The following IGF1R variants were observed in gnomAD, a reference collection of about 807,000 sequenced individuals.
The protein encoded by IGF1R is insulin-like growth factor 1 receptor.
In IGF1R, 44 loss-of-function variants were observed where a neutral mutation model predicts 144.6. The ratio of observed to expected loss-of-function variants is 0.30; its 90% confidence interval spans 0.24 to 0.39. The LOEUF (loss-of-function observed/expected upper bound fraction) is 0.39. Ranked by LOEUF, IGF1R falls within the 10% of genes least tolerant of loss-of-function variation. The pLI is 1.00. For missense variants in IGF1R, 1,355 were observed against 1,833.7 expected (o/e 0.74, Z 4.77); for synonymous variants, 795 against 722.8 (o/e 1.10, Z -1.60).
chr15:98,683,488 C>T (rs1348741929), intron 1 of IGF1R, among the ~76,000 whole-genome samples: 2 of 152,210 alleles, frequency 1.3e-5, no homozygotes, highest in African/African-American at 4.8e-5. Flanking sequence ...GGGCATTGCC[C>T]AGTTGTGTTA....
At chr15:98,681,670 A>T (rs1022181288) in intron 1 of IGF1R, among the ~76,000 whole-genome samples, 1 of 151,896 alleles carries the variant, frequency 6.6e-6, no homozygotes, top group African/African-American at 2.4e-5. Context: ...TTCTTGGGGG[A>T]GTTGTGACAT....
intron 2 of IGF1R, among the ~76,000 whole-genome samples, chr15:98,725,971 A>T (rs570697557): frequency 1.9e-3 from 282 of 152,280 alleles, no homozygotes; most frequent in Non-Finnish European, 3.2e-3. Flanking sequence ...TTCCCATAAC[A>T]CATGAAAATT....
chr15:98,682,104 G>A (rs1415268487), intron 1 of IGF1R, among the ~76,000 whole-genome samples: 2 of 152,178 alleles, frequency 1.3e-5, no homozygotes, highest in African/African-American at 4.8e-5. Context: ...GAGCAGAACC[G>A]TTGGAACCTT....
intron 2 of IGF1R, among the ~76,000 whole-genome samples, chr15:98,806,190 C>A (rs569707009): frequency 5.9e-5 from 9 of 152,088 alleles, no homozygotes; most frequent in African/African-American, 2.2e-4. Flanking sequence ...ACTGGTTTAC[C>A]GTGAAGGCTC....
intron 2 of IGF1R, among the ~76,000 whole-genome samples, chr15:98,829,707 A>G (rs115447703): frequency 6.6e-6 from 1 of 152,186 alleles, no homozygotes; most frequent in East Asian, 1.9e-4. Context: ...ATCTTTTTAT[A>G]TGCAGCAATT....
chr15:98,879,700 C>A (rs369468518), intron 2 of IGF1R, among the ~76,000 whole-genome samples: 1 of 152,166 alleles, frequency 6.6e-6, no homozygotes, highest in African/African-American at 2.4e-5. Context: ...ACCAGTGTAC[C>A]TGTGATTTTA....
intron 2 of IGF1R, among the ~76,000 whole-genome samples, chr15:98,843,724 C>T (rs112220106): frequency 2.6e-5 from 4 of 152,226 alleles, no homozygotes; most frequent in African/African-American, 9.6e-5. Flanking sequence ...AGAAATTCAC[C>T]GCTGGTTATA....
At chr15:98,821,912 C>G (rs1463416169) in intron 2 of IGF1R, among the ~76,000 whole-genome samples, 1 of 152,176 alleles carries the variant, frequency 6.6e-6, no homozygotes, top group African/African-American at 2.4e-5. Context: ...CTTCTTAATT[C>G]CCACTCCAGG....
intron 2 of IGF1R, among the ~76,000 whole-genome samples, chr15:98,712,046 A>G (rs557171726): frequency 6.6e-6 from 1 of 152,264 alleles, no homozygotes; most frequent in South Asian, 2.1e-4. Context: ...TCCCAGAGCC[A>G]TCATACTGGG....
intron 13 of IGF1R, among the ~76,000 whole-genome samples, chr15:98,928,479 T>C (rs111259009): frequency 0.013 from 1,905 of 152,342 alleles, 38 homozygotes; most frequent in African/African-American, 0.043. Flanking sequence ...AAGCTTTCGC[T>C]GACTCCTTTT....
Position 98,959,026 on chromosome 15 carries a change from A to G in IGF1R, c.*1584A>G, listed in dbSNP as rs2017123067. The G allele has an allele frequency of 4.3e-6, 1 of 233,184 alleles. No individual in the cohort carries two copies. Among genetic ancestry groups the G allele is most frequent in the South Asian group, 1.8e-4 (1 of 5,534 alleles). 14.4% of individuals were successfully genotyped at this position (233,184 alleles called of 1,614,324 possible). Reference sequence around the variant, plus strand: ...CTGAGAGGGCCGCGCTCCTCTCCCCAGCCTGCCCTCACAGCATTGGAGCCT... The same window carrying G: ...CTGAGAGGGCCGCGCTCCTCTCCCCGGCCTGCCCTCACAGCATTGGAGCCT... On this transcript the variant is annotated 3_prime_UTR_variant, in exon 21 of 21. Transcript: ENST00000650285.
chr15:98,706,827 G>GT (rs11418145), intron 1 of IGF1R, among the ~76,000 whole-genome samples: 83,535 of 147,318 alleles, frequency 0.57, 23,770 homozygotes, highest in Non-Finnish European at 0.62. Flanking sequence ...ATTTTTACTG[G>GT]TTTTTTTTTT....
At chr15:98,721,900 C>G (rs1026627753) in intron 2 of IGF1R, among the ~76,000 whole-genome samples, 1 of 152,072 alleles carries the variant, frequency 6.6e-6, no homozygotes, top group African/African-American at 2.4e-5. Context: ...ATGGTCCTCC[C>G]CATCATTCTT....
Position 98,963,969 on chromosome 15 carries a change from G to A in IGF1R, c.*6527G>A, listed in dbSNP as rs910167158. 1.3e-5 allele frequency: 3 copies of A among 233,194 alleles called. No individual in the cohort carries two copies. Among genetic ancestry groups the A allele is most frequent in the Non-Finnish European group, 2.5e-5 (3 of 117,862 alleles). The allele number at this position is 233,194 out of a possible 1,614,324, so 14.4% of individuals were successfully genotyped here. On this transcript the variant is annotated 3_prime_UTR_variant, in exon 21 of 21. Coordinates refer to ENST00000650285, the MANE Select transcript of IGF1R (RefSeq NM_000875.5). ...GGAGAAAGATCTGGAAACTATTTGGGTTTTGTTTTCAACTTTTCATTTGGA... is the reference window on the plus strand; with the variant it reads ...GGAGAAAGATCTGGAAACTATTTGGATTTTGTTTTCAACTTTTCATTTGGA...
At chr15:98,699,862 T>A (rs1003183047) in intron 1 of IGF1R, among the ~76,000 whole-genome samples, 3 of 152,198 alleles carry the variant, frequency 2.0e-5, no homozygotes, top group Admixed American at 2.0e-4. Flanking sequence ...CGGTTTCTAA[T>A]TTCTGTTCTC....
At chr15:98,653,180 A>T (rs555392590) in intron 1 of IGF1R, among the ~76,000 whole-genome samples, 11 of 152,142 alleles carry the variant, frequency 7.2e-5, no homozygotes, top group Non-Finnish European at 1.0e-4. Context: ...ATGTAGCTTC[A>T]GTTAGGGATT....
chr15:98,884,341 G>A (rs1349642865), intron 2 of IGF1R, among the ~76,000 whole-genome samples: 1 of 152,136 alleles, frequency 6.6e-6, no homozygotes, highest in Non-Finnish European at 1.5e-5. Context: ...CCGTTTGGAT[G>A]TGTACACAAA....
At chr15:98,764,595 ATAAT>A (rs2055390262) in intron 2 of IGF1R, among the ~76,000 whole-genome samples, 1 of 152,232 alleles carries the variant, frequency 6.6e-6, no homozygotes, top group Non-Finnish European at 1.5e-5. Context: ...ATTTTCAGAG[ATAAT>A]TAAATAATAG....
At chr15:98,718,323 T>C (rs550579468) in intron 2 of IGF1R, among the ~76,000 whole-genome samples, 1 of 152,224 alleles carries the variant, frequency 6.6e-6, no homozygotes, top group Non-Finnish European at 1.5e-5. Context: ...ATTTAGGGAC[T>C]GTCGGTTGCT....
Sources: allele counts gnomAD v4.1 joint callset (sites outside exome capture counted in the v4.1 genomes callset), GRCh38; gene constraint gnomAD v4.1.1; transcripts MANE v1.5; gene names NCBI Gene and HGNC (gene_info 2026-07-23, HGNC 2026-07-21).